The following ROR2 variants were observed in gnomAD, a reference collection of about 807,000 sequenced individuals.
The protein encoded by ROR2 is tyrosine-protein kinase transmembrane receptor ROR2.
In ROR2, 33 loss-of-function variants were observed where a neutral mutation model predicts 74.9. That is an observed-to-expected ratio of 0.44 (90% confidence interval 0.33 to 0.59). The LOEUF is 0.59. Among genes scored for constraint, ROR2 ranks in the 20% least tolerant of loss-of-function variants. The pLI is 0.02. For missense variants in ROR2, 1,216 were observed against 1,313.8 expected, an observed-to-expected ratio of 0.93 and a Z score of 1.15; for synonymous variants, 586 against 558.7, an observed-to-expected ratio of 1.05 and a Z score of -0.69.
chr9:91,843,338 C>T (rs1272094718), intron 1 of ROR2, among the ~76,000 whole-genome samples: 1 of 152,214 alleles, frequency 6.6e-6, no homozygotes, highest in African/African-American at 2.4e-5. Context: ...CCTCCACGCT[C>T]CCCCGTGGGG....
chr9:91,860,860 C>T (rs185166952), intron 1 of ROR2, among the ~76,000 whole-genome samples: 1 of 152,326 alleles, frequency 6.6e-6, no homozygotes, highest in African/African-American at 2.4e-5. Context: ...AATGCTCTAC[C>T]ATTCTCTAGG....
In ROR2 at chr9:91,757,330, G is replaced by A. The variant is rs776789257; in HGVS notation, c.405C>T (p.Cys135=). 2.0e-5 allele frequency: 32 copies of A among 1,613,872 alleles called. No homozygotes were observed. The highest frequency in any genetic ancestry group is 1.6e-4 in the Middle Eastern group (1 of 6,084). The change falls in exon 3 of 9, where the codon TGC becomes TGT. Residue 135 remains cysteine, a synonymous_variant. Transcript: ENST00000375708. ...LDTTDTGYYQ[C]VATNGMKTIT... Reference sequence around the variant, plus strand: ...TGGTCTTCATCCCGTTGGTGGCCACGCACTGGTAGTAGCCAGTGTCTGTCG... The same window carrying A: ...TGGTCTTCATCCCGTTGGTGGCCACACACTGGTAGTAGCCAGTGTCTGTCG...
At chr9:91,839,037 A>C (rs1321924298) in intron 1 of ROR2, among the ~76,000 whole-genome samples, 2 of 152,188 alleles carry the variant, frequency 1.3e-5, no homozygotes, top group Non-Finnish European at 2.9e-5. Context: ...TAAAGACACA[A>C]AAAGCACACA....
At chr9:91,861,084 C>T (rs968762016) in intron 1 of ROR2, among the ~76,000 whole-genome samples, 7 of 152,016 alleles carry the variant, frequency 4.6e-5, no homozygotes, top group Non-Finnish European at 8.8e-5. Context: ...CTGAAAACTA[C>T]GAACATTGTT....
At chr9:91,768,061 T>C (rs1426417627) in intron 2 of ROR2, among the ~76,000 whole-genome samples, 1 of 151,954 alleles carries the variant, frequency 6.6e-6, no homozygotes, top group African/African-American at 2.4e-5. Context: ...AGAGCAGAGA[T>C]GGAGTGATGC....
chr9:91,914,211 A>C (rs568155607), intron 1 of ROR2, among the ~76,000 whole-genome samples: 1 of 152,310 alleles, frequency 6.6e-6, no homozygotes, highest in Non-Finnish European at 1.5e-5. Context: ...CCTTCGAGCC[A>C]CGGGGCCATC....
At chr9:91,948,945 C>T (rs956389012) in intron 1 of ROR2, 3 of 983,756 alleles carry the variant, frequency 3.0e-6, no homozygotes, top group Non-Finnish European at 3.6e-6. Context: ...CTCCTCCAGG[C>T]AACCTAGGCA....
intron 1 of ROR2, among the ~76,000 whole-genome samples, chr9:91,821,034 G>T: frequency 6.6e-6 from 1 of 151,794 alleles, no homozygotes; most frequent in South Asian, 2.1e-4. Context: ...CCAGGAGGCA[G>T]AGGTTGCAGT....
intron 2 of ROR2, 88 bp downstream of exon 2, chr9:91,775,653 C>T (rs998439033): frequency 5.6e-6 from 7 of 1,248,900 alleles, no homozygotes; most frequent in South Asian, 3.6e-5. Flanking sequence ...GGACCCCCAG[C>T]GCCTTCCTTC....
intron 1 of ROR2, among the ~76,000 whole-genome samples, chr9:91,817,664 C>T (rs956071374): frequency 2.0e-5 from 3 of 152,194 alleles, no homozygotes; most frequent in African/African-American, 4.8e-5. Context: ...GCCAGGCACC[C>T]GTCGGGGCCT....
intron 7 of ROR2, among the ~76,000 whole-genome samples, chr9:91,728,650 T>G (rs1284836987): frequency 6.6e-6 from 1 of 152,146 alleles, no homozygotes; most frequent in Non-Finnish European, 1.5e-5. Context: ...AGCCTGGTCT[T>G]GAACTCCTGA....
chr9:91,929,877 C>T (rs1374021457), intron 1 of ROR2, among the ~76,000 whole-genome samples: 1 of 152,110 alleles, frequency 6.6e-6, no homozygotes, highest in East Asian at 1.9e-4. Flanking sequence ...AGAGTTTTCC[C>T]CGGGACCTGA....
chr9:91,892,757 T>C (rs1024598981), intron 1 of ROR2, among the ~76,000 whole-genome samples: 38 of 151,914 alleles, frequency 2.5e-4, no homozygotes, highest in Non-Finnish European at 4.1e-4. Flanking sequence ...ACCCGGCTAA[T>C]TTTTGTATTT....
chr9:91,948,684 T>A (rs575126797), intron 1 of ROR2: 1 of 985,524 alleles, frequency 1.0e-6, no homozygotes, highest in South Asian at 4.7e-5. Context: ...GCAGAGCGTC[T>A]CCCAGCCTGC....
intron 1 of ROR2, among the ~76,000 whole-genome samples, chr9:91,923,212 G>T (rs1356327284): frequency 1.3e-5 from 2 of 152,222 alleles, no homozygotes; most frequent in African/African-American, 2.4e-5. Flanking sequence ...AAATGCTGGG[G>T]ATGAGGCAGT....
intron 1 of ROR2, among the ~76,000 whole-genome samples, chr9:91,849,805 T>C (rs1355245711): frequency 6.6e-6 from 1 of 152,250 alleles, no homozygotes; most frequent in Non-Finnish European, 1.5e-5. Flanking sequence ...AATCTTCCTC[T>C]GCCTGTAGGA....
At chr9:91,833,223 A>C (rs1828517968) in intron 1 of ROR2, among the ~76,000 whole-genome samples, 1 of 152,166 alleles carries the variant, frequency 6.6e-6, no homozygotes, top group Non-Finnish European at 1.5e-5. Flanking sequence ...AGGACCCCCA[A>C]GGCTGCTCAG....
At chr9:91,823,011 C>T (rs1828180714) in intron 1 of ROR2, among the ~76,000 whole-genome samples, 1 of 152,170 alleles carries the variant, frequency 6.6e-6, no homozygotes, top group Non-Finnish European at 1.5e-5. Context: ...AGATAACTAG[C>T]TTTTCCTCTT....
intron 1 of ROR2, among the ~76,000 whole-genome samples, chr9:91,907,072 C>CT (rs796434410): frequency 1.3e-5 from 2 of 151,616 alleles, no homozygotes; most frequent in Admixed American, 6.6e-5. Context: ...TTTCATCTAT[C>CT]TTTTTTTTTA....
Sources: allele counts gnomAD v4.1 joint callset (sites outside exome capture counted in the v4.1 genomes callset), GRCh38; gene constraint gnomAD v4.1.1; transcripts MANE v1.5; gene names NCBI Gene and HGNC (gene_info 2026-07-23, HGNC 2026-07-21).